ELL: variants seen among roughly 807,000 people sequenced by gnomAD.
ELL encodes elongation factor for RNA polymerase II, also known as RNA polymerase II elongation factor ELL.
A neutral mutation model predicts 64.0 loss-of-function variants in ELL; 18 were observed. The observed-to-expected ratio is 0.28, with a 90% CI of 0.19 to 0.42. ELL has a LOEUF of 0.42. ELL is among the 10% of genes least tolerant of loss of function. ELL has a pLI of 1.00. For missense variants in ELL, 797 were observed against 870.4 expected (o/e 0.92, Z 1.06); for synonymous variants, 399 against 376.2 (o/e 1.06, Z -0.70).
chr19:18,451,270 T>C (rs566155539), intron 7 of ELL, among the ~76,000 whole-genome samples: 17 of 152,092 alleles, frequency 1.1e-4, no homozygotes, highest in African/African-American at 2.2e-4. Flanking sequence ...GTGATAACTG[T>C]GACACAGGAG....
chr19:18,443,827 C>A lies in ELL; in HGVS notation c.*925G>T, dbSNP rs1413630351. 3.0e-5 allele frequency: 7 copies of A among 232,984 alleles called. No individual in the cohort carries two copies. The highest frequency in any genetic ancestry group is 1.1e-4 in the Admixed American group (2 of 17,770). The allele number at this position is 232,984 out of a possible 1,614,324, so 14.4% of individuals were successfully genotyped here. A position where few individuals can be genotyped will look rare whatever the true frequency, so the allele number is the denominator to read the frequency against. ...CTTGGCGGTGGCTCTGCTAAGACGA[C>A]CCCAGGACCCACAAGTGGACAGAGG... On this transcript the variant is annotated 3_prime_UTR_variant, in exon 12 of 12. Coordinates refer to ENST00000262809, the MANE Select transcript of ELL (RefSeq NM_006532.4).
At chr19:18,503,961 C>T (rs1046471316) in intron 1 of ELL, among the ~76,000 whole-genome samples, 1 of 152,222 alleles carries the variant, frequency 6.6e-6, no homozygotes, top group African/African-American at 2.4e-5. Flanking sequence ...GACCCCACTC[C>T]TATCCATGTG....
chr19:18,509,317 G>A (rs975153395), intron 1 of ELL, among the ~76,000 whole-genome samples: 3 of 151,896 alleles, frequency 2.0e-5, no homozygotes, highest in Non-Finnish European at 2.9e-5. Flanking sequence ...ATTGTACCCC[G>A]AAAAGTCACT....
Position 18,443,211 on chromosome 19 carries a change from C to G in ELL, c.*1541G>C, listed in dbSNP as rs1275336133. On this transcript the variant is annotated 3_prime_UTR_variant, in exon 12 of 12. Transcript: ENST00000262809. ...GGCCCTTCCCCGGCCCGGCCCGGCCCAAAGAGAAAAACAACAACAGCTATT... is the reference window on the plus strand; with the variant it reads ...GGCCCTTCCCCGGCCCGGCCCGGCCGAAAGAGAAAAACAACAACAGCTATT... The G allele has an allele frequency of 4.3e-6, 1 of 231,992 alleles. No homozygotes were observed. Among genetic ancestry groups the G allele is most frequent in the African/African-American group, 2.2e-5 (1 of 45,234 alleles). 14.4% of individuals were successfully genotyped at this position (231,992 alleles called of 1,614,324 possible). A position where few individuals can be genotyped will look rare whatever the true frequency, so the allele number is the denominator to read the frequency against.
chr19:18,459,945 G>A (rs989889060), intron 5 of ELL, among the ~76,000 whole-genome samples: 4 of 152,110 alleles, frequency 2.6e-5, no homozygotes, highest in Admixed American at 6.5e-5. Context: ...AGTTTCCTTC[G>A]ACGGGATTCC....
intron 6 of ELL, among the ~76,000 whole-genome samples, chr19:18,452,867 T>C (rs1974567920): frequency 6.6e-6 from 1 of 152,140 alleles, no homozygotes. Flanking sequence ...CTGTGCAGTG[T>C]CCCCAACGGC....
Position 18,444,614 on chromosome 19 carries a change from G to A in ELL, c.*138C>T, listed in dbSNP as rs767837812. 56 of 921,170 alleles carry A rather than the reference G, an allele frequency of 6.1e-5. No individual in the cohort carries two copies. The highest frequency in any genetic ancestry group is 2.4e-4 in the Admixed American group (9 of 37,048). 57.1% of individuals were successfully genotyped at this position (921,170 alleles called of 1,614,324 possible). A position where few individuals can be genotyped will look rare whatever the true frequency, so the allele number is the denominator to read the frequency against. ...TTGCAGCCACCCGCCAGGGCCAGACGTCTGCAGGGGCTGCCCTGAAAGCCG... is the reference window on the plus strand; with the variant it reads ...TTGCAGCCACCCGCCAGGGCCAGACATCTGCAGGGGCTGCCCTGAAAGCCG... On this transcript the variant is annotated 3_prime_UTR_variant, in exon 12 of 12. Transcript: ENST00000262809.
chr19:18,455,521 A>G, intron 6 of ELL, among the ~76,000 whole-genome samples: 1 of 151,596 alleles, frequency 6.6e-6, no homozygotes, highest in African/African-American at 2.4e-5. Flanking sequence ...ACATGCTCCT[A>G]CGAAAACGCA....
intron 6 of ELL, among the ~76,000 whole-genome samples, chr19:18,455,783 A>C (rs1015529361): frequency 6.6e-6 from 1 of 151,456 alleles, no homozygotes; most frequent in Admixed American, 6.6e-5. Flanking sequence ...AAGTCTCCTA[A>C]AAGGAGAATA....
Position 18,449,607 on chromosome 19 carries a change from CCT to C in ELL, c.1465+868_1465+869del, listed in dbSNP as rs1355157197. Among the ~76,000 whole-genome samples, 21 of 152,316 alleles carry C rather than the reference CCT, an allele frequency of 1.4e-4. No homozygotes were observed. The highest frequency in any genetic ancestry group is 1.2e-3 in the South Asian group (6 of 4,832). On this transcript the variant is annotated intron_variant, in intron 8 of 11. Transcript: ENST00000262809. The surrounding 1 kb of genome is among the most constrained non-coding windows in gnomAD (Gnocchi z 4.4). ...GCTCCCACCCTCATCCCAGGAATCC[CCT>C]GACTCAGCCTCCTCCCCAGAGACAC...
At chr19:18,481,178 T>C (rs751071449) in intron 1 of ELL, among the ~76,000 whole-genome samples, 1 of 152,160 alleles carries the variant, frequency 6.6e-6, no homozygotes. Context: ...CTGGATCTGT[T>C]TTTTTGTCCC....
chr19:18,519,806 CA>C (rs1183522203), intron 1 of ELL, among the ~76,000 whole-genome samples: 104 of 63,016 alleles, frequency 1.7e-3, no homozygotes, highest in Middle Eastern at 9.4e-3. Flanking sequence ...AACTCCATCT[CA>C]AAAAAAAAAA....
intron 3 of ELL, 102 bp from the exon 4 acceptor site, chr19:18,465,677 A>C: frequency 2.7e-6 from 4 of 1,477,086 alleles, no homozygotes; most frequent in East Asian, 2.5e-5. Flanking sequence ...TGGAAAATGG[A>C]CTCTGTCAAC....
At chr19:18,488,011 G>A (rs1975454862) in intron 1 of ELL, among the ~76,000 whole-genome samples, 2 of 152,162 alleles carry the variant, frequency 1.3e-5, no homozygotes, top group African/African-American at 4.8e-5. Flanking sequence ...AACCAGGCTG[G>A]CAAGTGTCCA....
chr19:18,516,879 A>G (rs1976142998), intron 1 of ELL, among the ~76,000 whole-genome samples: 1 of 152,052 alleles, frequency 6.6e-6, no homozygotes, highest in Non-Finnish European at 1.5e-5. Flanking sequence ...GGGGTCAGGC[A>G]CTCACCCATG....
intron 1 of ELL, among the ~76,000 whole-genome samples, chr19:18,509,593 G>GCGCGCGCGCGCGCA (rs1438642062): frequency 6.1e-4 from 51 of 83,232 alleles, no homozygotes; most frequent in Admixed American, 1.8e-3. Context: ...GCGCGCGCGC[G>GCGCGCGCGCGCGCA]CACATACACA....
chr19:18,469,843 G>A (rs928361253), intron 2 of ELL, among the ~76,000 whole-genome samples: 4 of 152,176 alleles, frequency 2.6e-5, no homozygotes, highest in Non-Finnish European at 4.4e-5. Flanking sequence ...TCCCAAATTG[G>A]GGCCTGCTGC....
chr19:18,467,246 A>G (rs960236325), intron 2 of ELL, among the ~76,000 whole-genome samples: 1 of 151,870 alleles, frequency 6.6e-6, no homozygotes, highest in African/African-American at 2.4e-5. Flanking sequence ...CGGCCTGCAG[A>G]CCCTTCTCCA....
In ELL at chr19:18,457,621, C is replaced by A. The variant is rs575604724; in HGVS notation, c.869+584G>T. On this transcript the variant is annotated intron_variant, in intron 6 of 11. Transcript: ENST00000262809. ...ATTAGCAGATTGACCTGCTTCACAG[C>A]CCGAGCTCCCCTAGCTGGCAGCAGT... Among the ~76,000 whole-genome samples the A allele has an allele frequency of 2.3e-3, 358 of 152,342 alleles. 1 individual carries two copies. Among genetic ancestry groups the A allele is most frequent in the African/African-American group, 8.3e-3 (343 of 41,566 alleles).
Sources: allele counts gnomAD v4.1 joint callset (sites outside exome capture counted in the v4.1 genomes callset), GRCh38; gene constraint gnomAD v4.1.1; non-coding constraint Gnocchi (gnomAD v3.1); transcripts MANE v1.5; gene names NCBI Gene and HGNC (gene_info 2026-07-23, HGNC 2026-07-21).